Variants in PNPLA6 observed in about 807,000 individuals in gnomAD.
PNPLA6 encodes the protein patatin-like phospholipase domain-containing protein 6.
PNPLA6 carries 105 observed loss-of-function variants against 153.7 expected under a neutral mutation model. The observed-to-expected ratio is 0.68, with a 90% CI of 0.58 to 0.80. The LOEUF (loss-of-function observed/expected upper bound fraction) is 0.80, where lower values mean the gene tolerates loss of function less well. Among genes scored for constraint, PNPLA6 ranks in the 30% least tolerant of loss-of-function variants. The probability of loss-of-function intolerance (pLI) is 0.00; values close to 1 mark genes in which losing one functional copy is unlikely to be tolerated. For synonymous variants in PNPLA6, 825 were observed against 822.2 expected, an observed-to-expected ratio of 1.00 and a Z score of -0.06; for missense variants, 1,423 against 1,919.3, an observed-to-expected ratio of 0.74 and a Z score of 4.83.
At chr19:7,552,239 T>A (rs2023682164) in intron 18 of PNPLA6, among the ~76,000 whole-genome samples, 1 of 152,202 alleles carries the variant, frequency 6.6e-6, no homozygotes, top group African/African-American at 2.4e-5. Context: ...TAGCCCCCTG[T>A]TTCAGCCTGT....
chr19:7,539,091 T>C (rs2023002812), intron 3 of PNPLA6, among the ~76,000 whole-genome samples: 1 of 152,230 alleles, frequency 6.6e-6, no homozygotes, highest in African/African-American at 2.4e-5. Context: ...ATGGTCCCCA[T>C]TGCAACTCTT....
At chr19:7,539,784 G>T (rs541257572) in intron 3 of PNPLA6, 134 bp from the exon 4 acceptor site, 6 of 588,354 alleles carry the variant, frequency 1.0e-5, no homozygotes, top group Non-Finnish European at 1.5e-5. Context: ...AAAAAAAGGT[G>T]GCCAGCCTGA....
rs761500976 is a variant in PNPLA6, at chr19:7,540,906, G to A, written c.796-17G>A. On this transcript the variant is annotated splice_polypyrimidine_tract_variant and intron_variant, in intron 6 of 31. Coordinates refer to ENST00000600737, the MANE Select transcript of PNPLA6 (RefSeq NM_001166114.2). This position sits in a 1 kb window ranked among gnomAD's most constrained non-coding sequence, Gnocchi z 6.8. ...AGCCTCTGCCCTTGTCTCTCTTCACGCCCTCCCCTCCCCCAGGGTCACCAG... is the reference window on the plus strand; with the variant it reads ...AGCCTCTGCCCTTGTCTCTCTTCACACCCTCCCCTCCCCCAGGGTCACCAG... The A allele has an allele frequency of 2.5e-6, 4 of 1,612,820 alleles. No individual in the cohort carries two copies. Among genetic ancestry groups the A allele is most frequent in the South Asian group, 1.1e-5 (1 of 91,070 alleles).
intron 27 of PNPLA6, among the ~76,000 whole-genome samples, chr19:7,557,911 G>T (rs2023954766): frequency 6.6e-6 from 1 of 152,214 alleles, no homozygotes; most frequent in Non-Finnish European, 1.5e-5. Context: ...ACATGCAGGT[G>T]GAATGCAACA....
Position 7,543,082 on chromosome 19 carries a change from C to T in PNPLA6, c.1606C>T (p.Gln536Ter), listed in dbSNP as rs1416173690. ...AGTIIARQGD[Q>*]DVSLHFVLWG... The stretch of plus-strand genomic sequence containing the variant: ...CACCATCATTGCCCGCCAGGGAGAC[C>T]AGGTGAGGCTGACCCCTGACCTGTA... Residue 536 changes from glutamine (Q) to a stop codon, truncating the protein, a stop_gained and splice_region_variant, in exon 13 of 32, where the codon CAG becomes TAG. Transcript: ENST00000600737. LOFTEE classifies it high-confidence loss of function. The T allele has an allele frequency of 1.2e-6, 2 of 1,613,680 alleles. No individual in the cohort carries two copies. The highest frequency in any genetic ancestry group is 1.7e-6 in the Non-Finnish European group (2 of 1,179,810).
In PNPLA6 at chr19:7,543,975, G is replaced by A. The variant is rs1395015067; in HGVS notation, c.1608+891G>A. Among the ~76,000 whole-genome samples, 5 of 151,226 alleles carry A rather than the reference G, an allele frequency of 3.3e-5. No homozygotes were observed. The South Asian group carries it at 6.3e-4, about 19-fold the overall frequency. ...ACTACAGGCGCCTGCCACCATGCCC[G>A]GCTAATTTTTTGTATTTTTACTAGA... On this transcript the variant is annotated intron_variant, in intron 13 of 31. Coordinates refer to ENST00000600737, the MANE Select transcript of PNPLA6 (RefSeq NM_001166114.2).
rs1011272563 is a variant in PNPLA6, at chr19:7,541,105, A to G, written c.924+54A>G. 3 of 1,438,132 alleles carry G rather than the reference A, an allele frequency of 2.1e-6. No individual in the cohort carries two copies. The African/African-American group carries it at 4.3e-5, about 21-fold the overall frequency. 89.1% of individuals were successfully genotyped at this position (1,438,132 alleles called of 1,614,324 possible). ...CCTGAGGGACCCCACCCTGGCCCCC[A>G]CCCATTCCAGGCTCCAAGGGACCGA... is the stretch of plus-strand genomic sequence containing the variant. On this transcript the variant is annotated intron_variant, in intron 7 of 31. Coordinates refer to ENST00000600737, the MANE Select transcript of PNPLA6 (RefSeq NM_001166114.2). This position sits in a 1 kb window ranked among gnomAD's most constrained non-coding sequence, Gnocchi z 5.2.
Position 7,542,867 on chromosome 19 carries a change from G to T in PNPLA6, c.1469G>T (p.Arg490Leu), listed in dbSNP as rs1159119005. Residue 490 changes from arginine (R) to leucine (L), a missense_variant, in exon 12 of 32, where the codon CGC (arginine) becomes CTC (leucine). Arg to Leu is a moderately radical substitution (Grantham distance 102, BLOSUM62 -2). This residue lies in a region of PNPLA6 where 267 missense variants were observed against 255.1 expected (regional missense o/e 1.05). Coordinates refer to ENST00000600737, the MANE Select transcript of PNPLA6 (RefSeq NM_001166114.2). ...TGCCCTTTCGGGCCCTACCAGGGCC[G>T]CCAGACCAGCAGCATCTTCGAGGCA... ...GGCPFGPYQG[R>L]QTSSIFEAAK... 1 of 1,613,142 alleles carries T rather than the reference G, an allele frequency of 6.2e-7. No homozygotes were observed. Among genetic ancestry groups the T allele is most frequent in the East Asian group, 2.2e-5 (1 of 44,892 alleles).
In PNPLA6 at chr19:7,553,930, G is replaced by A; in HGVS notation, c.2316G>A (p.Leu772=). 6.2e-7 allele frequency: 1 copy of A among 1,614,222 alleles called. No homozygotes were observed. Among genetic ancestry groups the A allele is most frequent in the Non-Finnish European group, 8.5e-7 (1 of 1,180,044 alleles). ...HSELTNPASN[L]ATVAILPVCA... is the part of the protein sequence containing the mutation. ...AACTCACCAACCCAGCCAGCAACCT[G>A]GCAACTGTGGCAATCCTGCCTGTGT... Residue 772 remains leucine, a synonymous_variant, in exon 19 of 32, where the codon CTG becomes CTA. Transcript: ENST00000600737.
chr19:7,548,264 A>G (rs1378874502), intron 13 of PNPLA6, among the ~76,000 whole-genome samples: 2 of 151,972 alleles, frequency 1.3e-5, no homozygotes, highest in Admixed American at 6.6e-5. Flanking sequence ...GAATCACTTG[A>G]ACTCTGGAGG....
intron 28 of PNPLA6, 182 bp from the exon 29 acceptor site, chr19:7,560,466 C>T: frequency 1.5e-6 from 1 of 665,696 alleles, no homozygotes; most frequent in Non-Finnish European, 2.8e-6. Flanking sequence ...TAATGTCTGT[C>T]AAGGGCAGGA....
intron 10 of PNPLA6, 75 bp from the exon 11 acceptor site, chr19:7,542,486 C>A: frequency 9.0e-7 from 1 of 1,115,974 alleles, no homozygotes; most frequent in Non-Finnish European, 1.4e-6. Flanking sequence ...AGGCCTGCAC[C>A]ACTACACCTG....
Position 7,556,546 on chromosome 19 carries a change from G to T in PNPLA6, c.3187G>T (p.Val1063Phe). The change falls in exon 25 of 32, where the codon GTC (valine) becomes TTC (phenylalanine). Residue 1063 changes from valine to phenylalanine, a missense_variant. Val to Phe is a conservative substitution (Grantham distance 50). Coordinates refer to ENST00000600737, the MANE Select transcript of PNPLA6 (RefSeq NM_001166114.2). ...GSAFNRSIHR[V>F]FQDKQIEDLW... ...TGCCTTTAACCGCAGCATCCATCGG[G>T]TCTTCCAGGATAAGCAGATTGAGGT... 1 of 1,613,310 alleles carries T rather than the reference G, an allele frequency of 6.2e-7. No homozygotes were observed. Among genetic ancestry groups the T allele is most frequent in the Non-Finnish European group, 8.5e-7 (1 of 1,179,360 alleles).
Position 7,550,653 on chromosome 19 carries a change from C to G in PNPLA6, c.2070+13C>G, listed in dbSNP as rs994836492. On this transcript the variant is annotated intron_variant, in intron 16 of 31. Coordinates refer to ENST00000600737, the MANE Select transcript of PNPLA6 (RefSeq NM_001166114.2). Reference sequence around the variant, plus strand: ...CCTCATCGGCGTGGTGAGCGCGACCCCCACCCACTGACCTCTGGCCTTTTC... The same window carrying G: ...CCTCATCGGCGTGGTGAGCGCGACCGCCACCCACTGACCTCTGGCCTTTTC... The G allele has an allele frequency of 6.2e-7, 1 of 1,609,586 alleles. No homozygotes were observed. Among genetic ancestry groups the G allele is most frequent in the African/African-American group, 1.3e-5 (1 of 74,980 alleles).
chr19:7,535,790 T>TG lies in PNPLA6; in HGVS notation c.6dup (p.Thr3_?2), dbSNP rs1196946932. The TG allele has an allele frequency of 6.5e-7, 1 of 1,535,576 alleles. No individual in the cohort carries two copies. On this transcript the variant is annotated frameshift_variant and start_lost, in exon 1 of 32. Coordinates refer to ENST00000600737, the MANE Select transcript of PNPLA6 (RefSeq NM_001166114.2). LOFTEE classifies it high-confidence loss of function. This position sits in a 1 kb window ranked among gnomAD's most constrained non-coding sequence, Gnocchi z 5.0. The stretch of plus-strand genomic sequence containing the variant: ...GAGCAGCACTGGCCCATTCTGCAGA[T>TG]GGGGACATCGAGTCACGGGCTGGCT...
chr19:7,547,811 A>AAT (rs1406190133), intron 13 of PNPLA6, among the ~76,000 whole-genome samples: 2 of 114,502 alleles, frequency 1.7e-5, no homozygotes, highest in African/African-American at 7.0e-5. Flanking sequence ...CTAATTAAAA[A>AAT]TTTTTTTTTT....
chr19:7,554,366 C>A, intron 20 of PNPLA6, 94 bp downstream of exon 20: 1 of 1,314,348 alleles, frequency 7.6e-7, no homozygotes, highest in Non-Finnish European at 1.1e-6. Flanking sequence ...CTTCCAACCA[C>A]GGAGCCTGCG....
chr19:7,558,590 C>A (rs1217945416), intron 27 of PNPLA6, among the ~76,000 whole-genome samples: 1 of 152,198 alleles, frequency 6.6e-6, no homozygotes, highest in Non-Finnish European at 1.5e-5. Flanking sequence ...CCAGATCGTG[C>A]CATTGCACTC....
At chr19:7,547,060 AC>A (rs1568413013) in intron 13 of PNPLA6, among the ~76,000 whole-genome samples, 1 of 151,998 alleles carries the variant, frequency 6.6e-6, no homozygotes, top group Non-Finnish European at 1.5e-5. Context: ...ACACGCTGCC[AC>A]GCCCAGCTAA....
Sources: gnomAD v4.1 joint callset for allele counts (sites outside exome capture counted in the v4.1 genomes callset) on GRCh38, gnomAD v4.1.1 for gene constraint, gnomAD v4.1.1 regional missense constraint, Gnocchi (gnomAD v3.1) non-coding constraint, MANE v1.5 for transcripts, NCBI Gene and HGNC (gene_info 2026-07-23, HGNC 2026-07-21) for gene names.